The following MAP4K4 variants were observed in gnomAD, a reference collection of about 807,000 sequenced individuals.
MAP4K4 encodes mitogen-activated protein kinase kinase kinase kinase 4.
Under a neutral mutation model 189.6 loss-of-function variants are expected in MAP4K4, and 38 were observed. The observed-to-expected ratio is 0.20, with a 90% CI of 0.15 to 0.26. MAP4K4 has a LOEUF of 0.26. MAP4K4 is among the 10% of genes least tolerant of loss of function. The pLI is 1.00. For synonymous variants in MAP4K4, 610 were observed against 624.3 expected, an observed-to-expected ratio of 0.98 and a Z score of 0.34; for missense variants, 1,054 against 1,726.9, an observed-to-expected ratio of 0.61 and a Z score of 6.91.
chr2:101,870,879 A>G (rs935056111), intron 23 of MAP4K4, among the ~76,000 whole-genome samples: 13 of 152,192 alleles, frequency 8.5e-5, no homozygotes, highest in African/African-American at 3.1e-4. Flanking sequence ...GGAGAGCAGA[A>G]GGGTTCGGGA....
chr2:101,829,872 C>A, intron 6 of MAP4K4: 1 of 280,976 alleles, frequency 3.6e-6, no homozygotes, highest in Non-Finnish European at 6.8e-6. Flanking sequence ...TTAATGGCTT[C>A]CTATTTTACT....
At chr2:101,754,899 G>C (rs1175510769) in intron 2 of MAP4K4, among the ~76,000 whole-genome samples, 1 of 152,168 alleles carries the variant, frequency 6.6e-6, no homozygotes, top group African/African-American at 2.4e-5. Context: ...AAGGAGTCCA[G>C]AATATTGTTA....
intron 2 of MAP4K4, among the ~76,000 whole-genome samples, chr2:101,760,818 A>G (rs1308964560): frequency 1.3e-5 from 2 of 152,124 alleles, no homozygotes; most frequent in African/African-American, 4.8e-5. Flanking sequence ...AGGCTGACCA[A>G]CATGGAGAAG....
intron 12 of MAP4K4, among the ~76,000 whole-genome samples, chr2:101,846,367 G>T (rs1008987120): frequency 1.1e-4 from 16 of 151,874 alleles, no homozygotes; most frequent in African/African-American, 3.4e-4. Context: ...ATCTTTTTTT[G>T]ATCCCGGCCT....
At chr2:101,852,900 T>G (rs1301420680) in intron 12 of MAP4K4, among the ~76,000 whole-genome samples, 1 of 152,136 alleles carries the variant, frequency 6.6e-6, no homozygotes, top group East Asian at 1.9e-4. Context: ...TAAGTGAAAA[T>G]GTAAATACTA....
chr2:101,707,360 C>T (rs2149253721), intron 2 of MAP4K4, among the ~76,000 whole-genome samples: 1 of 152,122 alleles, frequency 6.6e-6, no homozygotes, highest in Middle Eastern at 3.4e-3. Context: ...AGGTGCGGAC[C>T]ACCATGCTCG....
rs2097742460 is a variant in MAP4K4 at position 101,863,872 on chromosome 2, C to T, written c.1918C>T (p.Arg640Ter). 2.2e-6 allele frequency: 3 copies of T among 1,367,692 alleles called. No individual in the cohort carries two copies. Among genetic ancestry groups the T allele is most frequent in the Non-Finnish European group, 2.9e-6 (3 of 1,021,852 alleles). 84.7% of individuals were successfully genotyped at this position (1,367,692 alleles called of 1,614,324 possible). A position where few individuals can be genotyped will look rare whatever the true frequency, so the allele number is the denominator to read the frequency against. ...CAAGAACAATGTTTCCCCTGTCTCG[C>T]GATCCCATTCCTTCAGTGACCCTTC... Residue 640 changes from arginine to a stop codon, truncating the protein, a stop_gained, in exon 17 of 33, where the codon CGA (arginine) becomes TGA (stop). Transcript: ENST00000324219. LOFTEE classifies it high-confidence loss of function.
intron 27 of MAP4K4, among the ~76,000 whole-genome samples, chr2:101,881,931 A>G (rs535354532): frequency 9.9e-5 from 15 of 152,252 alleles, no homozygotes; most frequent in Admixed American, 9.2e-4. Context: ...CCATTCAGAC[A>G]TTATTGTTTC....
chr2:101,698,034 GAC>G, exon 1 of MAP4K4: 1 of 1,268,516 alleles, frequency 7.9e-7, no homozygotes, highest in Non-Finnish European at 1.0e-6. Context: ...TACACAGAGC[GAC>G]AGAGACATTT....
intron 2 of MAP4K4, among the ~76,000 whole-genome samples, chr2:101,759,895 G>A (rs1036424833): frequency 2.0e-5 from 3 of 150,588 alleles, no homozygotes; most frequent in African/African-American, 7.3e-5. Flanking sequence ...CCAGGCTGGA[G>A]TGCAATGGCA....
intron 2 of MAP4K4, among the ~76,000 whole-genome samples, chr2:101,788,115 T>A (rs918142337): frequency 6.6e-6 from 1 of 151,970 alleles, no homozygotes; most frequent in Non-Finnish European, 1.5e-5. Context: ...TTTTTTTTTT[T>A]AAATAGAGAA....
At chr2:101,878,001 G>A (rs2098264152) in intron 27 of MAP4K4, among the ~76,000 whole-genome samples, 1 of 152,066 alleles carries the variant, frequency 6.6e-6, no homozygotes, top group Non-Finnish European at 1.5e-5. Context: ...CACCCACCTT[G>A]GCCTCCCAGA....
intron 13 of MAP4K4, 40 bp downstream of exon 13, chr2:101,856,178 G>A: frequency 6.5e-7 from 1 of 1,536,218 alleles, no homozygotes. Flanking sequence ...CACTTGTGAA[G>A]TTTGTTACTT....
chr2:101,840,814 G>A (rs2096894558), intron 10 of MAP4K4, among the ~76,000 whole-genome samples: 1 of 152,212 alleles, frequency 6.6e-6, no homozygotes, highest in Admixed American at 6.5e-5. Flanking sequence ...ATTGGTCAAA[G>A]TCTGGAGGCC....
At chr2:101,837,068 C>G (rs954290972) in intron 9 of MAP4K4, among the ~76,000 whole-genome samples, 2 of 147,448 alleles carry the variant, frequency 1.4e-5, no homozygotes, top group African/African-American at 2.5e-5. Context: ...TTCTGTTTTT[C>G]TGGGCTCATT....
chr2:101,766,978 C>G (rs1222220068), intron 2 of MAP4K4, among the ~76,000 whole-genome samples: 1 of 152,164 alleles, frequency 6.6e-6, no homozygotes, highest in East Asian at 1.9e-4. Context: ...GGTTTAAATA[C>G]CCTCTAGAGG....
chr2:101,781,730 A>G (rs1009834957), intron 2 of MAP4K4, among the ~76,000 whole-genome samples: 2 of 152,124 alleles, frequency 1.3e-5, no homozygotes, highest in East Asian at 1.9e-4. Flanking sequence ...CATTCAAACC[A>G]TAGCACCCTT....
intron 7 of MAP4K4, among the ~76,000 whole-genome samples, chr2:101,832,917 A>T (rs1287325225): frequency 6.6e-6 from 1 of 151,684 alleles, no homozygotes; most frequent in Non-Finnish European, 1.5e-5. Flanking sequence ...TGTTTCCTGT[A>T]AACTGGAAAG....
chr2:101,751,781 G>A (rs1558731827), intron 2 of MAP4K4, among the ~76,000 whole-genome samples: 1 of 152,224 alleles, frequency 6.6e-6, no homozygotes, highest in Non-Finnish European at 1.5e-5. Flanking sequence ...AGGTAGGGTA[G>A]ACTGGGCATT....
Sources: gnomAD v4.1 joint callset for allele counts (sites outside exome capture counted in the v4.1 genomes callset) on GRCh38, gnomAD v4.1.1 for gene constraint, MANE v1.5 for transcripts, NCBI Gene and HGNC (gene_info 2026-07-23, HGNC 2026-07-21) for gene names.